Variants in MAN1A2 observed in about 807,000 individuals in gnomAD.
MAN1A2 encodes the protein mannosyl-oligosaccharide 1,2-alpha-mannosidase IB.
A neutral mutation model predicts 75.7 loss-of-function variants in MAN1A2; 26 were observed. The ratio of observed to expected loss-of-function variants is 0.34; its 90% CI spans 0.25 to 0.48. The LOEUF (loss-of-function observed/expected upper bound fraction) is 0.48. Ranked by LOEUF, MAN1A2 falls within the 20% of genes least tolerant of loss-of-function variation. The pLI, the probability that MAN1A2 is intolerant of heterozygous loss-of-function variation, is 0.99. For missense variants in MAN1A2, 562 were observed against 775.5 expected (o/e 0.72, Z 3.27); for synonymous variants, 247 against 264.6 (o/e 0.93, Z 0.65).
intron 6 of MAN1A2, 148 bp from the exon 7 acceptor site, chr1:117,460,341 A>T (rs1649776640): frequency 3.9e-6 from 2 of 519,284 alleles, no homozygotes; most frequent in South Asian, 8.0e-5. Flanking sequence ...ACCTATTTAA[A>T]TTTTTAATAC....
chr1:117,502,822 G>A (rs748143871), intron 11 of MAN1A2, 33 bp from the exon 12 acceptor site: 16 of 1,118,368 alleles, frequency 1.4e-5, no homozygotes, highest in African/African-American at 1.1e-4. Context: ...GAAATTCTAC[G>A]GAATTGCTTA....
At chr1:117,377,151 C>G (rs570208296) in intron 1 of MAN1A2, among the ~76,000 whole-genome samples, 1 of 152,084 alleles carries the variant, frequency 6.6e-6, no homozygotes, top group South Asian at 2.1e-4. Context: ...TGACTTTTTT[C>G]CAATTAGTTG....
At chr1:117,445,892 A>ATATATATG in intron 6 of MAN1A2, among the ~76,000 whole-genome samples, 1 of 144,558 alleles carries the variant, frequency 6.9e-6, no homozygotes, top group Non-Finnish European at 1.5e-5. Context: ...GTGTATATAT[A>ATATATATG]TATATATGTA....
intron 6 of MAN1A2, among the ~76,000 whole-genome samples, chr1:117,452,763 G>A (rs559912378): frequency 1.9e-4 from 29 of 152,340 alleles, no homozygotes; most frequent in Non-Finnish European, 3.8e-4. Flanking sequence ...ATTGCAGCAA[G>A]TGATCCAGAA....
intron 1 of MAN1A2, among the ~76,000 whole-genome samples, chr1:117,389,131 C>G (rs1413573081): frequency 6.6e-6 from 1 of 152,158 alleles, no homozygotes; most frequent in Non-Finnish European, 1.5e-5. Context: ...TCTAAAACAA[C>G]CCCCCAAAAT....
At chr1:117,414,349 T>G (rs949105886) in intron 3 of MAN1A2, among the ~76,000 whole-genome samples, 2 of 151,648 alleles carry the variant, frequency 1.3e-5, no homozygotes, top group African/African-American at 4.8e-5. Flanking sequence ...TTTTCTTGAA[T>G]TAATCCTCTT....
chr1:117,373,274 G>GT (rs1383156683), intron 1 of MAN1A2, among the ~76,000 whole-genome samples: 1 of 151,002 alleles, frequency 6.6e-6, no homozygotes, highest in African/African-American at 2.4e-5. Flanking sequence ...TTTCTATCCT[G>GT]TTTTTTATTT....
intron 6 of MAN1A2, among the ~76,000 whole-genome samples, chr1:117,452,754 T>C (rs1649463877): frequency 6.6e-6 from 1 of 152,166 alleles, no homozygotes; most frequent in African/African-American, 2.4e-5. Context: ...GATGTAGAAA[T>C]TGCAGCAAGT....
chr1:117,400,460 C>A (rs1570712812), intron 1 of MAN1A2, among the ~76,000 whole-genome samples: 1 of 148,658 alleles, frequency 6.7e-6, no homozygotes, highest in Non-Finnish European at 1.5e-5. Context: ...ATATATGTAA[C>A]AATTCTATCA....
chr1:117,491,224 G>A (rs1650874444), intron 8 of MAN1A2, among the ~76,000 whole-genome samples: 1 of 152,058 alleles, frequency 6.6e-6, no homozygotes, highest in South Asian at 2.1e-4. Context: ...CATAGATGAA[G>A]AGAAGTCAAT....
At chr1:117,416,859 C>T (rs936921733) in intron 4 of MAN1A2, among the ~76,000 whole-genome samples, 1 of 152,110 alleles carries the variant, frequency 6.6e-6, no homozygotes, top group African/African-American at 2.4e-5. Context: ...GAGGAGGAGA[C>T]ACCTAGCCAA....
chr1:117,385,908 G>A (rs1386318095), intron 1 of MAN1A2, among the ~76,000 whole-genome samples: 1 of 152,178 alleles, frequency 6.6e-6, no homozygotes, highest in Non-Finnish European at 1.5e-5. Context: ...ATGAGCATTG[G>A]TTATGGCGTT....
chr1:117,460,434 A>T, intron 6 of MAN1A2, 55 bp from the exon 7 acceptor site: 1 of 1,284,876 alleles, frequency 7.8e-7, no homozygotes, highest in Non-Finnish European at 1.1e-6. Context: ...CATTAAACGA[A>T]TGTTTTGGTC....
intron 8 of MAN1A2, among the ~76,000 whole-genome samples, chr1:117,491,117 A>G (rs1167159924): frequency 1.3e-5 from 2 of 151,924 alleles, no homozygotes; most frequent in Non-Finnish European, 2.9e-5. Flanking sequence ...TTTTTTTTCC[A>G]GAAGATCTAA....
At chr1:117,462,348 G>A (rs1171346186) in intron 7 of MAN1A2, among the ~76,000 whole-genome samples, 1 of 152,102 alleles carries the variant, frequency 6.6e-6, no homozygotes, top group East Asian at 1.9e-4. Context: ...GTTTATATCT[G>A]TTAGTTAAAA....
At chr1:117,449,366 C>T (rs1308325279) in intron 6 of MAN1A2, among the ~76,000 whole-genome samples, 1 of 151,904 alleles carries the variant, frequency 6.6e-6, no homozygotes, top group African/African-American at 2.4e-5. Context: ...CGAGACCAGC[C>T]TGGGCAACAT....
chr1:117,438,169 T>G (rs957366650), intron 5 of MAN1A2, among the ~76,000 whole-genome samples: 22 of 152,238 alleles, frequency 1.4e-4, no homozygotes, highest in African/African-American at 5.3e-4. Flanking sequence ...TGCAAAATTC[T>G]TATTTCCTAG....
At chr1:117,483,188 G>C (rs905025288) in intron 8 of MAN1A2, among the ~76,000 whole-genome samples, 12 of 152,048 alleles carry the variant, frequency 7.9e-5, no homozygotes, top group African/African-American at 2.9e-4. Flanking sequence ...CTCCAACTTT[G>C]TTCTTTTTGC....
intron 8 of MAN1A2, among the ~76,000 whole-genome samples, chr1:117,477,538 A>T (rs1027557787): frequency 2.0e-5 from 3 of 152,030 alleles, no homozygotes; most frequent in African/African-American, 7.2e-5. Context: ...GACAAAAACC[A>T]CGTGATTATC....
Sources: gnomAD v4.1 joint callset for allele counts (sites outside exome capture counted in the v4.1 genomes callset) on GRCh38, gnomAD v4.1.1 for gene constraint, MANE v1.5 for transcripts, NCBI Gene and HGNC (gene_info 2026-07-23, HGNC 2026-07-21) for gene names.